The following NWD1 variants were observed in gnomAD, a reference collection of about 807,000 sequenced individuals.
The protein encoded by NWD1 is NACHT domain- and WD repeat-containing protein 1.
A neutral mutation model predicts 135.1 loss-of-function variants in NWD1; 129 were observed. The observed-to-expected ratio is 0.96, with a 90% CI of 0.83 to 1.11. The LOEUF (loss-of-function observed/expected upper bound fraction) is 1.11. NWD1 is among the 50% of genes least tolerant of loss of function. The pLI is 0.00. For missense variants in NWD1, 1,740 were observed against 1,851.3 expected (o/e 0.94, Z 1.10); for synonymous variants, 773 against 786.0 (o/e 0.98, Z 0.28).
intron 5 of NWD1, among the ~76,000 whole-genome samples, chr19:16,748,739 G>A (rs767716021): frequency 5.3e-5 from 8 of 152,040 alleles, no homozygotes; most frequent in Non-Finnish European, 7.4e-5. Flanking sequence ...TGGAAGGATC[G>A]CTTGAGCCTA....
intron 11 of NWD1, among the ~76,000 whole-genome samples, chr19:16,778,494 C>CTTTTTTTTTTTTTTTTTTTT (rs11307621): frequency 9.3e-6 from 1 of 107,570 alleles, no homozygotes; most frequent in Admixed American, 8.6e-5. Context: ...TCTTCTTCTT[C>CTTTTTTTTTTTTTTTTTTTT]TTTTTTTTTT....
chr19:16,801,953 C>G lies in NWD1; in HGVS notation c.3736+1791C>G, dbSNP rs145927111. ...GGAAGATTGCTTGAGGCCGGGAGTT[C>G]AAGACCAGCCTGGGCAACATGGACC... On this transcript the variant is annotated intron_variant, in intron 17 of 18. Transcript: ENST00000524140. Among the ~76,000 whole-genome samples, 295 of 151,888 alleles carry G rather than the reference C, an allele frequency of 1.9e-3. 1 individual carries two copies. The highest frequency in any genetic ancestry group is 3.1e-3 in the South Asian group (15 of 4,802).
intron 3 of NWD1, among the ~76,000 whole-genome samples, chr19:16,734,734 CTATTTATT>C (rs58756047): frequency 0.025 from 3,603 of 141,752 alleles, 135 homozygotes; most frequent in African/African-American, 0.088. Context: ...CTACACCTGG[CTATTTATT>C]TATTTATTTA....
rs1472093012 is a variant in NWD1 at position 16,808,395 on chromosome 19, C to G, written c.4287+259C>G. On this transcript the variant is annotated intron_variant, in intron 18 of 18. Transcript: ENST00000524140. ...TGAAACCCCGTCTCTACTAAAAATA[C>G]AAAAATTAGCCAGGTGTGGTGTTGC... Among the ~76,000 whole-genome samples the G allele has an allele frequency of 2.6e-5, 4 of 151,870 alleles. 1 individual carries two copies. The highest frequency in any genetic ancestry group is 6.6e-5 in the Admixed American group (1 of 15,210).
intron 9 of NWD1, among the ~76,000 whole-genome samples, chr19:16,764,763 C>A (rs546507289): frequency 2.6e-5 from 4 of 152,094 alleles, no homozygotes; most frequent in Non-Finnish European, 5.9e-5. Flanking sequence ...TCTGCCCCCC[C>A]AGGGGACACT....
At chr19:16,788,381 C>T (rs887080330) in intron 12 of NWD1, among the ~76,000 whole-genome samples, 2 of 150,336 alleles carry the variant, frequency 1.3e-5, no homozygotes, top group Admixed American at 6.7e-5. Flanking sequence ...CCAGCCTCGC[C>T]AACATAGTCA....
Position 16,759,447 on chromosome 19 carries a change from G to A in NWD1, c.1973+19G>A. The A allele has an allele frequency of 6.5e-7, 1 of 1,534,494 alleles. No individual in the cohort carries two copies. Among genetic ancestry groups the A allele is most frequent in the East Asian group, 2.4e-5 (1 of 40,940 alleles). ...CCCACAGGTAGGTCCAGGCAGCAGT[G>A]GCAGCGACACTGTCTGGGTGGGACC... On this transcript the variant is annotated intron_variant, in intron 7 of 18. Transcript: ENST00000524140.
intron 3 of NWD1, among the ~76,000 whole-genome samples, chr19:16,735,075 A>G (rs980176718): frequency 6.6e-6 from 1 of 152,076 alleles, no homozygotes; most frequent in African/African-American, 2.4e-5. Flanking sequence ...AATGTTTATA[A>G]ATAAACTTCT....
intron 10 of NWD1, among the ~76,000 whole-genome samples, 166 bp from the exon 11 acceptor site, chr19:16,772,960 G>A (rs946151231): frequency 1.3e-5 from 2 of 152,166 alleles, no homozygotes; most frequent in African/African-American, 4.8e-5. Flanking sequence ...AAGGGTAAGT[G>A]TGTCTGGAGA....
At chr19:16,767,833 G>A (rs1054004499) in intron 10 of NWD1, among the ~76,000 whole-genome samples, 6 of 151,878 alleles carry the variant, frequency 4.0e-5, no homozygotes, top group Admixed American at 2.6e-4. Context: ...CAACCACCAT[G>A]CTATTTTCTG....
In NWD1 at chr19:16,807,353, C is replaced by T. The variant is rs569747496; in HGVS notation, c.3737-233C>T. ...TACTAAAAATACAAAATTAGCTGGG[C>T]GTGGTGGCACACACTTGTAATCCCA... On this transcript the variant is annotated intron_variant, in intron 17 of 18. Transcript: ENST00000524140. Among the ~76,000 whole-genome samples, 12 of 152,048 alleles carry T rather than the reference C, an allele frequency of 7.9e-5. No individual in the cohort carries two copies. In the South Asian group the frequency reaches 2.3e-3, roughly 29 times the overall value.
intron 12 of NWD1, among the ~76,000 whole-genome samples, chr19:16,780,689 G>T (rs1286348695): frequency 3.3e-5 from 5 of 151,184 alleles, no homozygotes; most frequent in African/African-American, 9.8e-5. Context: ...ACAGGGTGTT[G>T]CTCTGTTGCC....
At chr19:16,766,289 C>A (rs1969220331) in intron 10 of NWD1, among the ~76,000 whole-genome samples, 1 of 152,126 alleles carries the variant, frequency 6.6e-6, no homozygotes, top group African/African-American at 2.4e-5. Context: ...GTAGTCCCAG[C>A]TACTTGGGAA....
chr19:16,769,170 A>G (rs1046836122), intron 10 of NWD1, among the ~76,000 whole-genome samples: 44 of 151,778 alleles, frequency 2.9e-4, no homozygotes, highest in African/African-American at 9.7e-4. Context: ...GCCTTATAAA[A>G]CCATCAGATG....
chr19:16,791,162 A>G (rs1278296927), intron 13 of NWD1, among the ~76,000 whole-genome samples, 188 bp from the exon 14 acceptor site: 2 of 152,110 alleles, frequency 1.3e-5, no homozygotes. Flanking sequence ...TGAGCCCAGG[A>G]GGTCGATGCT....
chr19:16,808,202 A>G, intron 18 of NWD1, 66 bp downstream of exon 18: 1 of 1,445,166 alleles, frequency 6.9e-7, no homozygotes, highest in Non-Finnish European at 9.7e-7. Flanking sequence ...GATAGCCATC[A>G]TTTACTAAGC....
At position 16,769,874 on chromosome 19, in the gene NWD1, G is replaced by C. The variant is rs1969356175; in HGVS notation, c.2411-3252G>C. Among the ~76,000 whole-genome samples the C allele has an allele frequency of 2.0e-5, 3 of 152,182 alleles. No homozygotes were observed. In the South Asian group the frequency reaches 6.2e-4, roughly 31 times the overall value. On this transcript the variant is annotated intron_variant, in intron 10 of 18. Coordinates refer to ENST00000524140, the MANE Select transcript of NWD1 (RefSeq NM_001007525.5). ...TTTTTTAGAGACAAAGTCTTGCCCT[G>C]TTGTCCAGGCTGGAGTGCAATGGCA...
Position 16,762,043 on chromosome 19 carries a change from G to A in NWD1, c.2038G>A (p.Val680Ile), listed in dbSNP as rs575310279. The A allele has an allele frequency of 2.4e-5, 38 of 1,613,936 alleles. No individual in the cohort carries two copies. The highest frequency in any genetic ancestry group is 1.7e-4 in the Middle Eastern group (1 of 6,060). The change falls in exon 8 of 19, where the codon GTC becomes ATC. Residue 680 changes from valine to isoleucine, a missense_variant. By Grantham distance (29) the Val-to-Ile change is conservative (BLOSUM62 3). Transcript: ENST00000524140. ...ATCCGAGAGAGCCAAGAGGCATGGC[G>A]TCCTGGCCGACTTCTTCTCAGGGAC... Reference protein sequence around the residue: ...SGSERAKRHGVLADFFSGTWS... With the variant: ...SGSERAKRHGILADFFSGTWS...
chr19:16,732,592 C>T (rs1484467990), intron 3 of NWD1, among the ~76,000 whole-genome samples: 4 of 95,070 alleles, frequency 4.2e-5, no homozygotes, highest in Non-Finnish European at 8.2e-5. Context: ...CAATCCCTGG[C>T]TAGGGAATTT....
Sources: allele counts gnomAD v4.1 joint callset (sites outside exome capture counted in the v4.1 genomes callset), GRCh38; gene constraint gnomAD v4.1.1; transcripts MANE v1.5; gene names NCBI Gene and HGNC (gene_info 2026-07-23, HGNC 2026-07-21).